The following P2RY14 variants were observed in gnomAD, a reference collection of about 807,000 sequenced individuals.
The protein encoded by P2RY14 is P2Y purinoceptor 14.
A neutral mutation model predicts 0.9 loss-of-function variants in P2RY14; 2 were observed. That is an observed-to-expected ratio of 2.16 (90% CI 0.88 to 6.79). The LOEUF is 6.79. P2RY14 is among the 30% of genes most tolerant of loss of function. P2RY14 has a pLI of 0.05. For synonymous variants in P2RY14, 158 were observed against 147.2 expected, an observed-to-expected ratio of 1.07 and a Z score of -0.53; for missense variants, 378 against 400.1, an observed-to-expected ratio of 0.94 and a Z score of 0.47.
intron 2 of P2RY14, among the ~76,000 whole-genome samples, chr3:151,216,979 A>AC (rs968775596): frequency 3.9e-5 from 6 of 151,906 alleles, no homozygotes; most frequent in Admixed American, 3.9e-4. Flanking sequence ...AAGCCACACA[A>AC]CCCCCCAGCG....
At chr3:151,277,759 G>A (rs981127528) in intron 1 of P2RY14, among the ~76,000 whole-genome samples, 1 of 152,130 alleles carries the variant, frequency 6.6e-6, no homozygotes, top group Non-Finnish European at 1.5e-5. Context: ...CAATTTAAAG[G>A]CATTTTATTT....
At chr3:151,255,027 A>G (rs1308781307) in intron 1 of P2RY14, among the ~76,000 whole-genome samples, 2 of 152,162 alleles carry the variant, frequency 1.3e-5, no homozygotes, top group Admixed American at 1.3e-4. Context: ...AACAATATAA[A>G]TATAGTATTA....
In P2RY14 at chr3:151,253,328, C is replaced by T. The variant is rs1342420751; in HGVS notation, c.-133+24959G>A. 4.6e-5 allele frequency among the ~76,000 whole-genome samples: 7 copies of T among 152,330 alleles called. No individual in the cohort carries two copies. In the East Asian group the frequency reaches 9.6e-4, roughly 21 times the overall value. ...GGAAACCATTGACTGTCCCAGGGGC[C>T]TTCCGCTCTTACCCCTCACTCCAGT... is the stretch of plus-strand genomic sequence containing the variant. On this transcript the variant is annotated intron_variant, in intron 1 of 2. Coordinates refer to ENST00000309170, the MANE Select transcript of P2RY14 (RefSeq NM_014879.4).
chr3:151,245,182 C>T (rs927870899), intron 1 of P2RY14, among the ~76,000 whole-genome samples: 4 of 152,106 alleles, frequency 2.6e-5, no homozygotes, highest in Admixed American at 2.6e-4. Flanking sequence ...CTGAATTCTA[C>T]CAGAGGTATA....
At chr3:151,249,195 G>A (rs894172472) in intron 1 of P2RY14, 1 of 152,178 alleles carries the variant, frequency 6.6e-6, no homozygotes, top group African/African-American at 2.4e-5. Context: ...TATGAAACCA[G>A]CTGTGAAAAG....
chr3:151,268,687 A>T (rs1350162843), intron 1 of P2RY14, among the ~76,000 whole-genome samples: 3 of 152,196 alleles, frequency 2.0e-5, no homozygotes, highest in African/African-American at 4.8e-5. Flanking sequence ...TTGAAAACAC[A>T]TTTCTTCTAA....
chr3:151,246,707 A>T (rs1334141834), intron 1 of P2RY14, among the ~76,000 whole-genome samples: 2 of 152,236 alleles, frequency 1.3e-5, no homozygotes, highest in African/African-American at 4.8e-5. Context: ...GGACATAGGC[A>T]TGGGAAGGAC....
chr3:151,252,035 T>C (rs1352519347), intron 1 of P2RY14, among the ~76,000 whole-genome samples: 1 of 152,208 alleles, frequency 6.6e-6, no homozygotes, highest in Non-Finnish European at 1.5e-5. Context: ...CCTGTGTGTT[T>C]ATCCCTGTGG....
intron 1 of P2RY14, among the ~76,000 whole-genome samples, chr3:151,276,623 C>T (rs1429157130): frequency 6.6e-6 from 1 of 152,164 alleles, no homozygotes; most frequent in African/African-American, 2.4e-5. Flanking sequence ...GAGCCTTAGG[C>T]TTAGGGAAGC....
chr3:151,232,973 T>C (rs1393926182), intron 1 of P2RY14, among the ~76,000 whole-genome samples: 1 of 152,212 alleles, frequency 6.6e-6, no homozygotes, highest in Non-Finnish European at 1.5e-5. Context: ...AAATTTTCTT[T>C]TCACCTTTCA....
chr3:151,261,749 G>A (rs1162676488), intron 1 of P2RY14, among the ~76,000 whole-genome samples: 1 of 150,728 alleles, frequency 6.6e-6, no homozygotes, highest in Admixed American at 6.6e-5. Context: ...TTTTGAGACA[G>A]AGTCTTGCTG....
chr3:151,219,265 G>T (rs10513390), intron 2 of P2RY14, among the ~76,000 whole-genome samples: 1 of 151,924 alleles, frequency 6.6e-6, no homozygotes, highest in Non-Finnish European at 1.5e-5. Context: ...TTCTCTCTTT[G>T]GACAGAATTT....
At chr3:151,229,938 C>T (rs1305432579) in intron 1 of P2RY14, among the ~76,000 whole-genome samples, 4 of 151,928 alleles carry the variant, frequency 2.6e-5, no homozygotes, top group Non-Finnish European at 5.9e-5. Flanking sequence ...TTTTATGAGT[C>T]CTAGGCTCAC....
rs189970441 is a variant in P2RY14, at chr3:151,237,144, C to T, written c.-132-17502G>A. On this transcript the variant is annotated intron_variant, in intron 1 of 2. Transcript: ENST00000309170. ...GCAACCTCCGTTTCCCAGGTTCAAG[C>T]GATTCTGCCTCAGCCTCCATAGTAG... 8.7e-5 allele frequency among the ~76,000 whole-genome samples: 13 copies of T among 149,442 alleles called. No homozygotes were observed. The East Asian group carries it at 1.4e-3, about 16-fold the overall frequency.
intron 1 of P2RY14, among the ~76,000 whole-genome samples, chr3:151,232,790 G>C (rs1011775228): frequency 6.6e-6 from 1 of 152,182 alleles, no homozygotes; most frequent in Non-Finnish European, 1.5e-5. Context: ...CTTGAGGATG[G>C]AGGGTGGGAG....
intron 2 of P2RY14, among the ~76,000 whole-genome samples, chr3:151,215,556 G>A (rs919474004): frequency 2.0e-5 from 3 of 152,134 alleles, no homozygotes; most frequent in Non-Finnish European, 4.4e-5. Flanking sequence ...GCTGTGCTAG[G>A]TGTTATCCAG....
chr3:151,266,844 T>G (rs575781724), intron 1 of P2RY14, among the ~76,000 whole-genome samples: 85 of 152,324 alleles, frequency 5.6e-4, no homozygotes, highest in South Asian at 3.5e-3. Flanking sequence ...TTCCTTCTCC[T>G]GGGAAGGAAT....
In P2RY14 at chr3:151,235,634, C is replaced by T. The variant is rs1732592418; in HGVS notation, c.-132-15992G>A. 2.0e-5 allele frequency among the ~76,000 whole-genome samples: 3 copies of T among 152,050 alleles called. No homozygotes were observed. In the South Asian group the frequency reaches 6.2e-4, roughly 32 times the overall value. On this transcript the variant is annotated intron_variant, in intron 1 of 2. Transcript: ENST00000309170. ...CCTTGAACCTGGGAGGCAGAGGTCGCAGTGAGCTGAGGTCGCGCCACTGCA... is the reference window on the plus strand; with the variant it reads ...CCTTGAACCTGGGAGGCAGAGGTCGTAGTGAGCTGAGGTCGCGCCACTGCA...
intron 1 of P2RY14, among the ~76,000 whole-genome samples, chr3:151,253,762 C>G (rs1019126510): frequency 2.6e-5 from 4 of 152,042 alleles, no homozygotes; most frequent in South Asian, 2.1e-4. Flanking sequence ...TGCAGCCTCT[C>G]TCATCCATAT....
Sources: gnomAD v4.1 joint callset for allele counts (sites outside exome capture counted in the v4.1 genomes callset) on GRCh38, gnomAD v4.1.1 for gene constraint, MANE v1.5 for transcripts, NCBI Gene and HGNC (gene_info 2026-07-23, HGNC 2026-07-21) for gene names.